The following AP1B1 variants were observed in gnomAD, a reference collection of about 807,000 sequenced individuals.
The protein encoded by AP1B1 is adaptor related protein complex 1 subunit beta 1.
A neutral mutation model predicts 104.3 loss-of-function variants in AP1B1; 36 were observed. The ratio of observed to expected loss-of-function variants is 0.35; its 90% CI spans 0.26 to 0.46. AP1B1 has a LOEUF of 0.46. Ranked by LOEUF, AP1B1 falls within the 20% of genes least tolerant of loss-of-function variation. AP1B1 has a pLI of 1.00. For missense variants in AP1B1, 901 were observed against 1,247.9 expected (o/e 0.72, Z 4.19); for synonymous variants, 504 against 517.5 (o/e 0.97, Z 0.35).
chr22:29,341,428 G>A lies in AP1B1; in HGVS notation c.1796+73C>T, dbSNP rs1602707804. 4.5e-6 allele frequency: 7 copies of A among 1,554,544 alleles called. No individual in the cohort carries two copies. The East Asian group carries it at 1.6e-4, about 35-fold the overall frequency. ...GTCTTGCTGGGGGACAACACGCCAG[G>A]CCTGAGTGCCTGTGCTGCTAAACTG... is the stretch of plus-strand genomic sequence containing the variant. On this transcript the variant is annotated intron_variant, in intron 13 of 22. Coordinates refer to ENST00000357586, the MANE Select transcript of AP1B1 (RefSeq NM_001127.4).
chr22:29,379,111 T>A (rs557050395), intron 1 of AP1B1, among the ~76,000 whole-genome samples: 34 of 152,312 alleles, frequency 2.2e-4, no homozygotes, highest in African/African-American at 7.0e-4. Context: ...CCCAGCACTT[T>A]AGGAGACCGA....
rs750315733 is a variant in AP1B1, at chr22:29,331,429, C to A, written c.2524+20G>T. 33 of 1,611,670 alleles carry A rather than the reference C, an allele frequency of 2.0e-5. No individual in the cohort carries two copies. Among genetic ancestry groups the A allele is most frequent in the African/African-American group, 2.7e-5 (2 of 74,874 alleles). ...CACAGCCCCATTTCAGGCACCCCAG[C>A]GGGCTCCCTCATGACTCACCCATCT... On this transcript the variant is annotated intron_variant, in intron 19 of 22. Coordinates refer to ENST00000357586, the MANE Select transcript of AP1B1 (RefSeq NM_001127.4).
chr22:29,329,056 G>T, intron 22 of AP1B1, 161 bp from the exon 23 acceptor site: 1 of 1,432,262 alleles, frequency 7.0e-7, no homozygotes, highest in Non-Finnish European at 9.1e-7. Flanking sequence ...AAGCGGAGGG[G>T]GCGGCTGTCG....
In AP1B1 at chr22:29,350,153, G is replaced by A. The variant is rs1221586368; in HGVS notation, c.1156-3C>T. On this transcript the variant is annotated splice_region_variant and splice_polypyrimidine_tract_variant and intron_variant, in intron 9 of 22. Transcript: ENST00000357586. ...CTCACACAGCGCTCCGCAGATTGCT[G>A]CATGGGAAGAGAAGAGTGTGGGCGA... 4 of 1,613,218 alleles carry A rather than the reference G, an allele frequency of 2.5e-6. No homozygotes were observed. The highest frequency in any genetic ancestry group is 3.4e-6 in the Non-Finnish European group (4 of 1,179,288).
chr22:29,356,431 G>T lies in AP1B1; in HGVS notation c.711C>A (p.Ala237=), dbSNP rs373802632. The T allele has an allele frequency of 9.9e-6, 16 of 1,612,250 alleles. No individual in the cohort carries two copies. In the African/African-American group the frequency reaches 1.5e-4, roughly 15 times the overall value. ...GCAACGGGCAGCCCGCTCACCTCTG[G>T]GCCTCGCGGTCGTCCTTGGGCATAT... ...ANYMPKDDRE[A]QSICERVTPR... The change falls in exon 6 of 23, where the codon GCC becomes GCA. Residue 237 remains alanine (A), a synonymous_variant. Transcript: ENST00000357586.
At chr22:29,366,882 A>ACACACACACC (rs1569163401) in intron 2 of AP1B1, among the ~76,000 whole-genome samples, 1 of 138,068 alleles carries the variant, frequency 7.2e-6, no homozygotes, top group Non-Finnish European at 1.6e-5. Flanking sequence ...ACACACACAC[A>ACACACACACC]ACTGCTGTGG....
At chr22:29,359,436 TTAAAA>T (rs1406390774) in intron 4 of AP1B1, among the ~76,000 whole-genome samples, 2 of 152,114 alleles carry the variant, frequency 1.3e-5, no homozygotes, top group African/African-American at 4.8e-5. Context: ...GAAAATAAAA[TTAAAA>T]TATAGGTGCA....
chr22:29,339,872 A>C (rs2061688744), intron 14 of AP1B1, 98 bp from the exon 15 acceptor site: 1 of 1,334,658 alleles, frequency 7.5e-7, no homozygotes, highest in African/African-American at 1.5e-5. Context: ...GAAGGGAAAG[A>C]GGGAGATTAG....
chr22:29,355,319 G>C (rs960618513), intron 6 of AP1B1, among the ~76,000 whole-genome samples: 8 of 151,864 alleles, frequency 5.3e-5, no homozygotes, highest in African/African-American at 1.2e-4. Context: ...CATTAGCTGA[G>C]TATGGTGGTG....
At chr22:29,385,031 G>A (rs2062499383) in intron 1 of AP1B1, among the ~76,000 whole-genome samples, 1 of 152,158 alleles carries the variant, frequency 6.6e-6, no homozygotes. Flanking sequence ...GGTAAGGTTG[G>A]GAGAGCAGGA....
intron 1 of AP1B1, among the ~76,000 whole-genome samples, chr22:29,381,630 C>G (rs1383962952): frequency 6.6e-6 from 1 of 152,108 alleles, no homozygotes; most frequent in East Asian, 1.9e-4. Flanking sequence ...ACATTTACAG[C>G]CAATAAATGG....
chr22:29,334,159 C>A, intron 17 of AP1B1, 106 bp downstream of exon 17: 51 of 1,045,180 alleles, frequency 4.9e-5, no homozygotes, highest in Admixed American at 5.5e-5. Flanking sequence ...GCACTGCCCT[C>A]CCCTCTACAG....
In AP1B1 at chr22:29,342,386, G is replaced by A. The variant is rs377206278; in HGVS notation, c.1438-3C>T. ...GCTGTCAGCAGCTGCAGCTGGACCTGCAGGGAACAGCGGTGACGAGGAGGA... is the reference window on the plus strand; with the variant it reads ...GCTGTCAGCAGCTGCAGCTGGACCTACAGGGAACAGCGGTGACGAGGAGGA... On this transcript the variant is annotated splice_region_variant and splice_polypyrimidine_tract_variant and intron_variant, in intron 11 of 22. Transcript: ENST00000357586. 155 of 1,612,224 alleles carry A rather than the reference G, an allele frequency of 9.6e-5. No homozygotes were observed. The African/African-American group carries it at 2.0e-3, about 21-fold the overall frequency.
intron 4 of AP1B1, 33 bp downstream of exon 4, chr22:29,359,791 C>A: frequency 6.3e-7 from 1 of 1,596,888 alleles, no homozygotes; most frequent in Non-Finnish European, 8.5e-7. Flanking sequence ...CTTAAGCACC[C>A]AATGTCCCCA....
At chr22:29,365,811 T>A (rs1168522461) in intron 2 of AP1B1, among the ~76,000 whole-genome samples, 5 of 150,514 alleles carry the variant, frequency 3.3e-5, no homozygotes, top group African/African-American at 1.2e-4. Flanking sequence ...CCCCTTCCTA[T>A]CCCCCATCGA....
In AP1B1 at chr22:29,328,424, G is replaced by A; in HGVS notation, c.*397C>T. The A allele has an allele frequency of 5.5e-6, 1 of 182,186 alleles. No homozygotes were observed. Among genetic ancestry groups the A allele is most frequent in the East Asian group, 1.6e-4 (1 of 6,394 alleles). 11.3% of individuals were successfully genotyped at this position (182,186 alleles called of 1,614,324 possible). A position where few individuals can be genotyped will look rare whatever the true frequency, so the allele number is the denominator to read the frequency against. ...GGTTGGCAGGGTCCATCCCATGAGA[G>A]GTGGCAGTGGAGGGCCCTTTAACAC... On this transcript the variant is annotated 3_prime_UTR_variant, in exon 23 of 23. Transcript: ENST00000357586. The surrounding 1 kb of genome is among the most constrained non-coding windows in gnomAD (Gnocchi z 4.1).
Position 29,341,522 on chromosome 22 carries a change from C to A in AP1B1, c.1775G>T (p.Ser592Ile). Reference sequence around the variant, plus strand: ...TCACGAGGCCGTGCGAGGTGGCAGGCTCTTGTGCACGACGCCCCGGCCCCC... The same window carrying A: ...TCACGAGGCCGTGCGAGGTGGCAGGATCTTGTGCACGACGCCCCGGCCCCC... ...VEGGRGVVHK[S>I]LPPRTASSES... Residue 592 changes from serine to isoleucine, a missense_variant, in exon 13 of 23, where the codon AGC (serine) becomes ATC (isoleucine). Ser to Ile is a moderately radical substitution (Grantham distance 142). Around this residue, in one of 3 missense-constraint regions of AP1B1, gnomAD observed 424 missense variants for 494.0 expected, o/e 0.86. Coordinates refer to ENST00000357586, the MANE Select transcript of AP1B1 (RefSeq NM_001127.4). 6 of 1,613,710 alleles carry A rather than the reference C, an allele frequency of 3.7e-6. No homozygotes were observed. The highest frequency in any genetic ancestry group is 5.1e-6 in the Non-Finnish European group (6 of 1,179,744).
At chr22:29,361,008 A>G (rs576154388) in intron 3 of AP1B1, among the ~76,000 whole-genome samples, 37 of 152,284 alleles carry the variant, frequency 2.4e-4, no homozygotes, top group Middle Eastern at 3.4e-3. Context: ...GGGAGGAGGG[A>G]GGAGGAAAAA....
At chr22:29,347,669 G>T (rs1221571597) in intron 11 of AP1B1, among the ~76,000 whole-genome samples, 1 of 152,198 alleles carries the variant, frequency 6.6e-6, no homozygotes, top group Admixed American at 6.6e-5. Context: ...TAACAGAAAT[G>T]CAAACAGAAC....
Sources: gnomAD v4.1 joint callset for allele counts (sites outside exome capture counted in the v4.1 genomes callset) on GRCh38, gnomAD v4.1.1 for gene constraint, gnomAD v4.1.1 regional missense constraint, Gnocchi (gnomAD v3.1) non-coding constraint, MANE v1.5 for transcripts, NCBI Gene and HGNC (gene_info 2026-07-23, HGNC 2026-07-21) for gene names.